Variants in PIK3R2 observed in about 807,000 individuals in gnomAD.
PIK3R2 encodes the protein phosphatidylinositol 3-kinase regulatory subunit beta.
PIK3R2 carries 40 observed loss-of-function variants against 78.5 expected under a neutral mutation model. The ratio of observed to expected loss-of-function variants is 0.51; its 90% confidence interval spans 0.40 to 0.66. The LOEUF (loss-of-function observed/expected upper bound fraction) is 0.66. PIK3R2 is among the 30% of genes least tolerant of loss of function. The probability of loss-of-function intolerance (pLI) is 0.00; values close to 1 mark genes in which losing one functional copy is unlikely to be tolerated. For synonymous variants in PIK3R2, 473 were observed against 457.7 expected, an observed-to-expected ratio of 1.03 and a Z score of -0.43; for missense variants, 880 against 1,026.6, an observed-to-expected ratio of 0.86 and a Z score of 1.95.
At chr19:18,160,105 A>T (rs767454504) in intron 2 of PIK3R2, among the ~76,000 whole-genome samples, 5 of 152,180 alleles carry the variant, frequency 3.3e-5, no homozygotes, top group Admixed American at 6.5e-5. Context: ...GGCTGGTCTC[A>T]TGTACAGATT....
In PIK3R2 at chr19:18,169,186, G is replaced by A; in HGVS notation, c.2079G>A (p.Val693=). Residue 693 remains valine (V), a synonymous_variant, in exon 16 of 16, where the codon GTG becomes GTA. Transcript: ENST00000222254. ...TGTACGGGTCGCTGAAGGAGCTGGT[G>A]CTGCACTACCAGCACGCCTCGCTGG... ...YNLYGSLKEL[V]LHYQHASLVQ... is the part of the protein sequence containing the mutation. 1 of 1,609,356 alleles carries A rather than the reference G, an allele frequency of 6.2e-7. No homozygotes were observed. The highest frequency in any genetic ancestry group is 1.3e-5 in the African/African-American group (1 of 75,006).
intron 1 of PIK3R2, among the ~76,000 whole-genome samples, chr19:18,155,162 AC>A (rs1349109428): frequency 1.4e-5 from 2 of 139,810 alleles, no homozygotes; most frequent in East Asian, 4.3e-4. Context: ...ACACCACTGC[AC>A]TCCAGCCTGG....
chr19:18,161,399 G>C lies in PIK3R2; in HGVS notation c.719G>C (p.Gly240Ala), dbSNP rs1461687141. The change falls in exon 6 of 16, where the codon GGT becomes GCT. Residue 240 changes from glycine (G) to alanine (A), a missense_variant. Physicochemically the swap from Gly to Ala is moderately conservative, Grantham distance 60. Coordinates refer to ENST00000222254, the MANE Select transcript of PIK3R2 (RefSeq NM_005027.4). This position sits in a 1 kb window ranked among gnomAD's most constrained non-coding sequence, Gnocchi z 5.3. The part of the protein sequence containing the change: ...GRVASRAPAL[G>A]PAVRALGATF... ...GTGGCCAGCCGCGCCCCGGCCCTGG[G>C]TCCCGCGGTCCGGGCCCTGGGCGCC... The C allele has an allele frequency of 1.6e-5, 19 of 1,220,510 alleles. No homozygotes were observed. The highest frequency in any genetic ancestry group is 1.9e-5 in the Non-Finnish European group (19 of 981,956). The allele number at this position is 1,220,510 out of a possible 1,614,324, so 75.6% of individuals were successfully genotyped here.
In PIK3R2 at chr19:18,165,040, C is replaced by G. The variant is rs569114585; in HGVS notation, c.1417-1120C>G. On this transcript the variant is annotated intron_variant, in intron 11 of 15. Coordinates refer to ENST00000222254, the MANE Select transcript of PIK3R2 (RefSeq NM_005027.4). ...GTCAGGAGTTTGAGACCAGCCTGGC[C>G]AACATGGTGAAACCCCATCTCTACC... is the stretch of plus-strand genomic sequence containing the variant. Among the ~76,000 whole-genome samples, 674 of 150,720 alleles carry G rather than the reference C, an allele frequency of 4.5e-3. 8 individuals are homozygous for G. The highest frequency in any genetic ancestry group is 0.016 in the African/African-American group (646 of 41,084).
chr19:18,162,854 C>A, intron 9 of PIK3R2, 113 bp from the exon 10 acceptor site: 1 of 953,412 alleles, frequency 1.0e-6, no homozygotes, highest in Non-Finnish European at 1.6e-6. Flanking sequence ...CGCACCACTG[C>A]ACTGCAGCCT....
At position 18,163,429 on chromosome 19, in the gene PIK3R2, G is replaced by C. The variant is rs145729334; in HGVS notation, c.1416+41G>C. ...TACATGAGGGAAACCGAGACATAGA[G>C]GGGCAGTGGCAAGGCCGGGAGCAGG... On this transcript the variant is annotated intron_variant, in intron 11 of 15. Transcript: ENST00000222254. 269 of 1,611,956 alleles carry C rather than the reference G, an allele frequency of 1.7e-4. No individual in the cohort carries two copies. In the African/African-American group the frequency reaches 3.3e-3, roughly 20 times the overall value.
chr19:18,168,128 G>A lies in PIK3R2; in HGVS notation c.1737-347G>A, dbSNP rs2043827355. On this transcript the variant is annotated intron_variant, in intron 13 of 15. Coordinates refer to ENST00000222254, the MANE Select transcript of PIK3R2 (RefSeq NM_005027.4). The surrounding 1 kb of genome is among the most constrained non-coding windows in gnomAD (Gnocchi z 4.1). ...AAAGTTTGCCCTTTACAGCTGGGGA[G>A]ACTGAGGCACAGAACCGACAGCTGC... 6.6e-6 allele frequency among the ~76,000 whole-genome samples: 1 copy of A among 152,208 alleles called. No homozygotes were observed. The highest frequency in any genetic ancestry group is 1.5e-5 in the Non-Finnish European group (1 of 68,040).
chr19:18,166,976 A>G (rs1352305463), intron 12 of PIK3R2, among the ~76,000 whole-genome samples, 154 bp from the exon 13 acceptor site: 3 of 151,922 alleles, frequency 2.0e-5, no homozygotes, highest in Non-Finnish European at 4.4e-5. Flanking sequence ...TCTACAAAAA[A>G]TATTAAAATG....
rs548683774 is a variant in PIK3R2, at chr19:18,161,215, A to AG, written c.598+35dup. ...GCCTGGCGGGTAGCCCGGGGGAAGGAGGGGGCTGTAGCGGGTGGGAGGGCC... is the reference window on the plus strand; with the variant it reads ...GCCTGGCGGGTAGCCCGGGGGAAGGAGGGGGGCTGTAGCGGGTGGGAGGGCC... On this transcript the variant is annotated intron_variant, in intron 5 of 15. Transcript: ENST00000222254. This position sits in a 1 kb window ranked among gnomAD's most constrained non-coding sequence, Gnocchi z 5.3. 8.6e-4 allele frequency: 1,321 copies of AG among 1,529,530 alleles called. 19 individuals are homozygous for AG. The South Asian group carries it at 0.015, about 17-fold the overall frequency. 94.7% of individuals were successfully genotyped at this position (1,529,530 alleles called of 1,614,324 possible).
Position 18,156,290 on chromosome 19 carries a change from A to C in PIK3R2, c.322+89A>C. The stretch of plus-strand genomic sequence containing the variant: ...TGTCCAGTGAGGCAATGGGATCTCC[A>C]AGGAAGGAGGAAAAAGGACATTTGG... On this transcript the variant is annotated intron_variant, in intron 2 of 15. Transcript: ENST00000222254. The surrounding 1 kb of genome is among the most constrained non-coding windows in gnomAD (Gnocchi z 4.2). 4 of 1,054,080 alleles carry C rather than the reference A, an allele frequency of 3.8e-6. No individual in the cohort carries two copies. The highest frequency in any genetic ancestry group is 5.2e-6 in the Non-Finnish European group (4 of 764,212). The allele number at this position is 1,054,080 out of a possible 1,614,324, so 65.3% of individuals were successfully genotyped here. A position where few individuals can be genotyped will look rare whatever the true frequency, so the allele number is the denominator to read the frequency against.
Position 18,156,359 on chromosome 19 carries a change from A to G in PIK3R2, c.322+158A>G, listed in dbSNP as rs758396784. Among the ~76,000 whole-genome samples the G allele has an allele frequency of 2.0e-5, 3 of 152,222 alleles. No individual in the cohort carries two copies. Among genetic ancestry groups the G allele is most frequent in the Non-Finnish European group, 2.9e-5 (2 of 68,034 alleles). ...CAGTGCTAGGCTCAGCAGTGGACACAAGGCCTGTTCCTGCCCTCATGAGCT... is the reference window on the plus strand; with the variant it reads ...CAGTGCTAGGCTCAGCAGTGGACACGAGGCCTGTTCCTGCCCTCATGAGCT... On this transcript the variant is annotated intron_variant, in intron 2 of 15. Transcript: ENST00000222254. The surrounding 1 kb of genome is among the most constrained non-coding windows in gnomAD (Gnocchi z 4.2).
chr19:18,161,927 G>T lies in PIK3R2; in HGVS notation c.816-39G>T, dbSNP rs1322943270. The T allele has an allele frequency of 1.3e-6, 2 of 1,554,030 alleles. No individual in the cohort carries two copies. The highest frequency in any genetic ancestry group is 1.4e-5 in the African/African-American group (1 of 73,854). Reference sequence around the variant, plus strand: ...CCTGTGCACATGCGTGGGCGGACAGGCCCTACCCAGCCCTCACCACACTCC... The same window carrying T: ...CCTGTGCACATGCGTGGGCGGACAGTCCCTACCCAGCCCTCACCACACTCC... On this transcript the variant is annotated intron_variant, in intron 6 of 15. Coordinates refer to ENST00000222254, the MANE Select transcript of PIK3R2 (RefSeq NM_005027.4). The surrounding 1 kb of genome is among the most constrained non-coding windows in gnomAD (Gnocchi z 5.3).
chr19:18,158,654 A>T (rs1479492092), intron 2 of PIK3R2, among the ~76,000 whole-genome samples: 1 of 152,122 alleles, frequency 6.6e-6, no homozygotes, highest in African/African-American at 2.4e-5. Flanking sequence ...AGGCAATGTC[A>T]TTGGCCCATT....
chr19:18,160,403 G>A, intron 2 of PIK3R2, 68 bp from the exon 3 acceptor site: 1 of 979,662 alleles, frequency 1.0e-6, no homozygotes, highest in Non-Finnish European at 1.6e-6. Context: ...GGTTCAGCCA[G>A]CAAAGAGAGG....
intron 2 of PIK3R2, among the ~76,000 whole-genome samples, chr19:18,158,780 A>G (rs1201344511): frequency 6.6e-6 from 1 of 152,196 alleles, no homozygotes. Context: ...CGCAAAAATT[A>G]CCACCAACTA....
chr19:18,164,640 GT>G (rs10629628), intron 11 of PIK3R2, among the ~76,000 whole-genome samples: 28 of 138,530 alleles, frequency 2.0e-4, no homozygotes, highest in African/African-American at 3.7e-4. Context: ...TTTTTGTTTT[GT>G]TTTTTTTTTT....
At chr19:18,153,550 C>T (rs2043643065) in intron 1 of PIK3R2, among the ~76,000 whole-genome samples, 1 of 152,144 alleles carries the variant, frequency 6.6e-6, no homozygotes, top group Non-Finnish European at 1.5e-5. Flanking sequence ...AGCCGAGGCC[C>T]CAAATGAAGG....
In PIK3R2 at chr19:18,169,330, G is replaced by C; in HGVS notation, c.*36G>C. 4.7e-6 allele frequency: 6 copies of C among 1,288,848 alleles called. No individual in the cohort carries two copies. The highest frequency in any genetic ancestry group is 5.0e-6 in the Non-Finnish European group (5 of 1,007,830). The allele number at this position is 1,288,848 out of a possible 1,614,324, so 79.8% of individuals were successfully genotyped here. ...CCCGCCCCAAGCAGAGCCGCCCCTG[G>C]GCCCGTCTGCGCCGGAGGCTGCGGC... On this transcript the variant is annotated 3_prime_UTR_variant, in exon 16 of 16. Transcript: ENST00000222254.
chr19:18,155,213 A>AC (rs1418906336), intron 1 of PIK3R2, among the ~76,000 whole-genome samples: 3 of 151,436 alleles, frequency 2.0e-5, no homozygotes, highest in East Asian at 1.9e-4. Flanking sequence ...AAAAAAAAAA[A>AC]AAACTGATTT....
Sources: gnomAD v4.1 joint callset for allele counts (sites outside exome capture counted in the v4.1 genomes callset) on GRCh38, gnomAD v4.1.1 for gene constraint, Gnocchi (gnomAD v3.1) non-coding constraint, MANE v1.5 for transcripts, NCBI Gene and HGNC (gene_info 2026-07-23, HGNC 2026-07-21) for gene names.